The following ANXA9 variants were observed in gnomAD, a reference collection of about 807,000 sequenced individuals.
ANXA9 encodes annexin 31.
Under a neutral mutation model 51.8 loss-of-function variants are expected in ANXA9, and 47 were observed. The ratio of observed to expected loss-of-function variants is 0.91; its 90% CI spans 0.72 to 1.16. The LOEUF is 1.16. ANXA9 is among the 50% of genes most tolerant of loss of function. The probability of loss-of-function intolerance (pLI) is 0.00; values close to 1 mark genes in which losing one functional copy is unlikely to be tolerated. For synonymous variants in ANXA9, 154 were observed against 168.7 expected, an observed-to-expected ratio of 0.91 and a Z score of 0.68; for missense variants, 361 against 424.7, an observed-to-expected ratio of 0.85 and a Z score of 1.32.
At chr1:150,978,150 G>C (rs112354870), upstream of ANXA9, among the ~76,000 whole-genome samples, 355 of 149,964 alleles carry the variant, frequency 2.4e-3, 1 homozygote, top group Non-Finnish European at 3.8e-3. Context: ...TAAATAAAAG[G>C]CTGGGTGCAG....
chr1:150,987,999 C>T, intron 10 of ANXA9, 43 bp downstream of exon 10: 1 of 1,613,546 alleles, frequency 6.2e-7, no homozygotes, highest in Non-Finnish European at 8.5e-7. Context: ...CTCTAATGAT[C>T]AGTTTGGGCT....
chr1:150,991,013 G>A (rs1322639980), intron 12 of ANXA9, among the ~76,000 whole-genome samples: 1 of 151,378 alleles, frequency 6.6e-6, no homozygotes, highest in Non-Finnish European at 1.5e-5. Context: ...CGTGGTAGCG[G>A]GCGCCTGTAG....
upstream of ANXA9, among the ~76,000 whole-genome samples, chr1:150,980,312 C>G (rs1464487922): frequency 6.6e-6 from 1 of 151,764 alleles, no homozygotes; most frequent in African/African-American, 2.4e-5. Context: ...AGGAGAATCG[C>G]TTGAACCCGG....
In ANXA9 at chr1:150,995,444, CT is replaced by C; in HGVS notation, c.*124del. 1.2e-6 allele frequency: 1 copy of C among 854,512 alleles called. No homozygotes were observed. Among genetic ancestry groups the C allele is most frequent in the Non-Finnish European group, 1.8e-6 (1 of 560,618 alleles). 52.9% of individuals were successfully genotyped at this position (854,512 alleles called of 1,614,324 possible). A position where few individuals can be genotyped will look rare whatever the true frequency, so the allele number is the denominator to read the frequency against. On this transcript the variant is annotated 3_prime_UTR_variant, in exon 14 of 14. Coordinates refer to ENST00000368947, the MANE Select transcript of ANXA9 (RefSeq NM_003568.3). ...CCTCACTGAGCACCACATTCTCTAG[CT>C]TCTTGTTGAGGCTGGAACTGTTTCT...
upstream of ANXA9, among the ~76,000 whole-genome samples, chr1:150,978,085 G>A (rs11579736): frequency 0.31 from 46,494 of 151,696 alleles, 8,306 homozygotes; most frequent in South Asian, 0.5. Flanking sequence ...GCAGTGAGCC[G>A]AGATCATGCC....
chr1:150,994,444 A>G, intron 12 of ANXA9, 133 bp from the exon 13 acceptor site: 1 of 1,355,616 alleles, frequency 7.4e-7, no homozygotes, highest in Non-Finnish European at 1.0e-6. Context: ...TCCCGAGATA[A>G]TGTATAATGT....
At position 150,995,216 on chromosome 1, in the gene ANXA9, T is replaced by C. The variant is rs757898341; in HGVS notation, c.976-44T>C. On this transcript the variant is annotated intron_variant, in intron 13 of 13. Coordinates refer to ENST00000368947, the MANE Select transcript of ANXA9 (RefSeq NM_003568.3). Reference sequence around the variant, plus strand: ...AGGAGGGGAGAGAGCACTTGGGCCATAGTGGTGGTGGATCTTTCTAACACT... The same window carrying C: ...AGGAGGGGAGAGAGCACTTGGGCCACAGTGGTGGTGGATCTTTCTAACACT... 4 of 1,584,498 alleles carry C rather than the reference T, an allele frequency of 2.5e-6. No individual in the cohort carries two copies. In the South Asian group the frequency reaches 3.4e-5, roughly 14 times the overall value.
chr1:150,990,618 G>A (rs961812787), intron 12 of ANXA9, among the ~76,000 whole-genome samples: 1 of 152,186 alleles, frequency 6.6e-6, no homozygotes, highest in Non-Finnish European at 1.5e-5. Flanking sequence ...AGGCTGAGGC[G>A]GGTGGATTAT....
At chr1:150,981,049 G>A (rs587609457), upstream of ANXA9, among the ~76,000 whole-genome samples, 9 of 152,216 alleles carry the variant, frequency 5.9e-5, no homozygotes, top group African/African-American at 1.9e-4. Flanking sequence ...CACAGCCTCC[G>A]TCTCTCTCAA....
At chr1:150,985,167 G>GTC (rs1227557728) in intron 7 of ANXA9, among the ~76,000 whole-genome samples, 2,185 of 141,138 alleles carry the variant, frequency 0.015, 33 homozygotes, top group Non-Finnish European at 0.025. Flanking sequence ...GTGAGAGCAT[G>GTC]TCTCTCTCTC....
At chr1:150,988,426 T>C in intron 12 of ANXA9, 85 bp downstream of exon 12, 1 of 1,500,846 alleles carries the variant, frequency 6.7e-7, no homozygotes, top group Non-Finnish European at 9.2e-7. Flanking sequence ...GTAACCATCC[T>C]ATATACACCG....
At chr1:150,991,435 C>A (rs1671695848) in intron 12 of ANXA9, among the ~76,000 whole-genome samples, 1 of 151,854 alleles carries the variant, frequency 6.6e-6, no homozygotes, top group South Asian at 2.1e-4. Context: ...CGGAGTTTCA[C>A]CATGTTGGTC....
upstream of ANXA9, among the ~76,000 whole-genome samples, chr1:150,977,614 G>T (rs1671359249): frequency 6.6e-6 from 1 of 152,238 alleles, no homozygotes; most frequent in South Asian, 2.1e-4. Flanking sequence ...AGGCTTTGTG[G>T]ATGGGCAAGC....
chr1:150,984,804 C>T (rs1481866754), intron 7 of ANXA9, 128 bp downstream of exon 7: 8 of 698,816 alleles, frequency 1.1e-5, no homozygotes, highest in Non-Finnish European at 1.9e-5. Context: ...CCCTTGGGGT[C>T]TTTCCTCTTG....
At position 150,984,715 on chromosome 1, in the gene ANXA9, G is replaced by A. The variant is rs775473741; in HGVS notation, c.472+39G>A. On this transcript the variant is annotated intron_variant, in intron 7 of 13. Coordinates refer to ENST00000368947, the MANE Select transcript of ANXA9 (RefSeq NM_003568.3). The stretch of plus-strand genomic sequence containing the variant: ...GGGAGGGGTCCCAGATGCTGGAGAA[G>A]GGGCTGTAGGACAGGCCACTCCTCT... 2.5e-6 allele frequency: 4 copies of A among 1,570,198 alleles called. No homozygotes were observed. The Admixed American group carries it at 6.8e-5, about 27-fold the overall frequency.
At chr1:150,990,113 A>C (rs1296497076) in intron 12 of ANXA9, among the ~76,000 whole-genome samples, 1 of 151,906 alleles carries the variant, frequency 6.6e-6, no homozygotes, top group East Asian at 1.9e-4. Context: ...GTTCAAGACC[A>C]ACTTAGGCGA....
intron 11 of ANXA9, 37 bp from the exon 12 acceptor site, chr1:150,988,246 T>C (rs779513794): frequency 6.8e-6 from 11 of 1,614,208 alleles, no homozygotes; most frequent in Non-Finnish European, 9.3e-6. Context: ...ATTGTGGTCC[T>C]AGTTGTGAAC....
At chr1:150,980,311 G>A (rs587656401), upstream of ANXA9, among the ~76,000 whole-genome samples, 148 of 151,712 alleles carry the variant, frequency 9.8e-4, no homozygotes, top group Non-Finnish European at 1.4e-3. Context: ...CAGGAGAATC[G>A]CTTGAACCCG....
At position 150,990,506 on chromosome 1, in the gene ANXA9, A is replaced by G. The variant is rs1050736200; in HGVS notation, c.852+2165A>G. 6.6e-5 allele frequency among the ~76,000 whole-genome samples: 10 copies of G among 152,274 alleles called. 1 individual carries two copies. Among genetic ancestry groups the G allele is most frequent in the South Asian group, 4.1e-4 (2 of 4,830 alleles). On this transcript the variant is annotated intron_variant, in intron 12 of 13. Coordinates refer to ENST00000368947, the MANE Select transcript of ANXA9 (RefSeq NM_003568.3). ...CTCTGTGTCTTAAGTAGCTGGGATT[A>G]CAGGCGTAGGCCACCATATCTGGCT... is the stretch of plus-strand genomic sequence containing the variant.
Sources: gnomAD v4.1 joint callset for allele counts (sites outside exome capture counted in the v4.1 genomes callset) on GRCh38, gnomAD v4.1.1 for gene constraint, MANE v1.5 for transcripts, NCBI Gene and HGNC (gene_info 2026-07-23, HGNC 2026-07-21) for gene names.